LHFPL3: variants seen among roughly 807,000 people sequenced by gnomAD.
LHFPL3 encodes LHFPL tetraspan subfamily member 3 protein.
In LHFPL3, 5 loss-of-function variants were observed where a neutral mutation model predicts 19.3. The observed-to-expected ratio is 0.26, with a 90% CI of 0.14 to 0.54. The LOEUF is 0.54. LHFPL3 is among the 20% of genes least tolerant of loss of function. The probability of loss-of-function intolerance (pLI) is 0.94; values close to 1 mark genes in which losing one functional copy is unlikely to be tolerated. For synonymous variants in LHFPL3, 133 were observed against 126.2 expected (o/e 1.05, Z -0.36); for missense variants, 249 against 307.4 (o/e 0.81, Z 1.42).
intron 1 of LHFPL3, among the ~76,000 whole-genome samples, chr7:104,402,094 A>G (rs1316356366): frequency 6.6e-6 from 1 of 151,928 alleles, no homozygotes; most frequent in Non-Finnish European, 1.5e-5. Flanking sequence ...AAACTAAAAA[A>G]AAAAAAACAA....
intron 2 of LHFPL3, among the ~76,000 whole-genome samples, chr7:104,830,816 G>T (rs569313231): frequency 1.3e-5 from 2 of 151,974 alleles, no homozygotes; most frequent in Admixed American, 1.3e-4. Context: ...GGCGATGCAG[G>T]CTGTTTTTTG....
At chr7:104,658,314 A>G (rs1449265088) in intron 1 of LHFPL3, among the ~76,000 whole-genome samples, 2 of 152,190 alleles carry the variant, frequency 1.3e-5, no homozygotes, top group Non-Finnish European at 2.9e-5. Context: ...CATTGCACAC[A>G]TACCTCTTTC....
chr7:104,619,876 G>T (rs994390035), intron 1 of LHFPL3, among the ~76,000 whole-genome samples: 2 of 151,990 alleles, frequency 1.3e-5, no homozygotes, highest in African/African-American at 4.8e-5. Context: ...AGCAGGGGGC[G>T]GGAATGGTTT....
At chr7:104,640,650 A>C (rs565578855) in intron 1 of LHFPL3, among the ~76,000 whole-genome samples, 18 of 152,334 alleles carry the variant, frequency 1.2e-4, no homozygotes, top group Non-Finnish European at 2.5e-4. Context: ...CCTTGCCAGC[A>C]TCTGTTGTTT....
chr7:104,557,961 G>C (rs1023137369), intron 1 of LHFPL3, among the ~76,000 whole-genome samples: 55 of 150,598 alleles, frequency 3.7e-4, no homozygotes, highest in African/African-American at 1.3e-3. Flanking sequence ...AGTTTACTGA[G>C]AATCATGATT....
At chr7:104,487,862 T>C (rs1793267733) in intron 1 of LHFPL3, among the ~76,000 whole-genome samples, 1 of 152,246 alleles carries the variant, frequency 6.6e-6, no homozygotes, top group Non-Finnish European at 1.5e-5. Context: ...ACAAATTGTT[T>C]GCAGGTGGTT....
chr7:104,676,417 A>G lies in LHFPL3; in HGVS notation c.446-60258A>G, dbSNP rs145640040. Reference sequence around the variant, plus strand: ...CATCTTTTTACTTTAAAAAAAATTCATCTTTGACTTCCAAAGGAGTAAAAC... The same window carrying G: ...CATCTTTTTACTTTAAAAAAAATTCGTCTTTGACTTCCAAAGGAGTAAAAC... On this transcript the variant is annotated intron_variant, in intron 1 of 2. Transcript: ENST00000424859. Among the ~76,000 whole-genome samples, 459 of 152,370 alleles carry G rather than the reference A, an allele frequency of 3.0e-3. 7 individuals are homozygous for G. Among genetic ancestry groups the G allele is most frequent in the Admixed American group, 0.024 (366 of 15,310 alleles).
intron 1 of LHFPL3, among the ~76,000 whole-genome samples, chr7:104,482,965 C>T (rs1793164963): frequency 6.6e-6 from 1 of 152,198 alleles, no homozygotes; most frequent in African/African-American, 2.4e-5. Flanking sequence ...CGTGGGATTT[C>T]AGGAAATACG....
At chr7:104,785,487 C>G (rs543846492) in intron 2 of LHFPL3, 2 of 152,404 alleles carry the variant, frequency 1.3e-5, no homozygotes, top group African/African-American at 4.8e-5. Flanking sequence ...TTCTGAACAC[C>G]TCCAGCTGAC....
chr7:104,384,658 A>G (rs1352115988), intron 1 of LHFPL3, among the ~76,000 whole-genome samples: 1 of 151,892 alleles, frequency 6.6e-6, no homozygotes, highest in Non-Finnish European at 1.5e-5. Flanking sequence ...ATGGTGGCAC[A>G]TGCCTGTAAT....
In LHFPL3 at chr7:104,458,332, G is replaced by A. The variant is rs926933105; in HGVS notation, c.445+129108G>A. Among the ~76,000 whole-genome samples, 436 of 152,236 alleles carry A rather than the reference G, an allele frequency of 2.9e-3. 1 individual carries two copies. Among genetic ancestry groups the A allele is most frequent in the African/African-American group, 9.0e-3 (375 of 41,544 alleles). On this transcript the variant is annotated intron_variant, in intron 1 of 2. Transcript: ENST00000424859. ...GGGATCCAGTTTCAGCTTTCTACAT[G>A]TGGCTAGCCAGTTTTCCCAGCACCA...
intron 2 of LHFPL3, among the ~76,000 whole-genome samples, chr7:104,740,978 A>C (rs1478821956): frequency 6.6e-6 from 1 of 152,196 alleles, no homozygotes; most frequent in Admixed American, 6.5e-5. Flanking sequence ...GAAGGGAAAA[A>C]GCTCAATTCT....
chr7:104,354,637 T>C (rs1790239748), intron 1 of LHFPL3, among the ~76,000 whole-genome samples: 1 of 152,238 alleles, frequency 6.6e-6, no homozygotes, highest in Non-Finnish European at 1.5e-5. Context: ...AGTTTGAAAA[T>C]TATCTCTTCA....
At chr7:104,533,176 T>C (rs1341044170) in intron 1 of LHFPL3, among the ~76,000 whole-genome samples, 1 of 152,218 alleles carries the variant, frequency 6.6e-6, no homozygotes, top group African/African-American at 2.4e-5. Context: ...ACAGAACTAA[T>C]GGACATTACC....
At chr7:104,871,300 A>T (rs1429952723) in intron 2 of LHFPL3, among the ~76,000 whole-genome samples, 1 of 152,188 alleles carries the variant, frequency 6.6e-6, no homozygotes, top group African/African-American at 2.4e-5. Flanking sequence ...TGTGTATCTA[A>T]ACATAGAAAA....
At chr7:104,368,491 CA>C (rs1790540176) in intron 1 of LHFPL3, among the ~76,000 whole-genome samples, 1 of 152,178 alleles carries the variant, frequency 6.6e-6, no homozygotes, top group African/African-American at 2.4e-5. Flanking sequence ...GGTAGGGTCC[CA>C]TTTCTGCGGC....
At chr7:104,529,688 A>G (rs900535322) in intron 1 of LHFPL3, among the ~76,000 whole-genome samples, 1 of 152,210 alleles carries the variant, frequency 6.6e-6, no homozygotes, top group Non-Finnish European at 1.5e-5. Flanking sequence ...ACAGTTGGAT[A>G]TAGAAACTAA....
chr7:104,573,133 C>G (rs930230634), intron 1 of LHFPL3, among the ~76,000 whole-genome samples: 2 of 152,132 alleles, frequency 1.3e-5, no homozygotes, highest in Non-Finnish European at 2.9e-5. Flanking sequence ...CAAATATTGG[C>G]CAGGTGCAGT....
intron 1 of LHFPL3, among the ~76,000 whole-genome samples, chr7:104,376,122 G>A (rs943513928): frequency 1.3e-5 from 2 of 152,208 alleles, no homozygotes; most frequent in African/African-American, 4.8e-5. Context: ...GATATTGGAT[G>A]TGGGGAAGAA....
Sources: allele counts gnomAD v4.1 joint callset (sites outside exome capture counted in the v4.1 genomes callset), GRCh38; gene constraint gnomAD v4.1.1; transcripts MANE v1.5; gene names NCBI Gene and HGNC (gene_info 2026-07-23, HGNC 2026-07-21).